Variants in RIN2 observed in about 807,000 individuals in gnomAD.
RIN2 encodes Ras and Rab interactor 2, also known as RAB5 interacting protein 2.
RIN2 carries 36 observed loss-of-function variants against 78.0 expected under a neutral mutation model. The ratio of observed to expected loss-of-function variants is 0.46; its 90% confidence interval spans 0.35 to 0.61. The LOEUF (loss-of-function observed/expected upper bound fraction) is 0.61. RIN2 is among the 20% of genes least tolerant of loss of function. The probability of loss-of-function intolerance (pLI) is 0.00; values close to 1 mark genes in which losing one functional copy is unlikely to be tolerated. For synonymous variants in RIN2, 466 were observed against 466.8 expected (o/e 1.00, Z 0.02); for missense variants, 1,087 against 1,159.7 (o/e 0.94, Z 0.91).
At chr20:19,793,631 A>T (rs921224845) in intron 1 of RIN2, among the ~76,000 whole-genome samples, 5 of 152,246 alleles carry the variant, frequency 3.3e-5, no homozygotes, top group Non-Finnish European at 7.3e-5. Flanking sequence ...ATGCTGGAAC[A>T]TACTTTGACC....
chr20:19,980,421 G>C (rs996617692), intron 9 of RIN2, among the ~76,000 whole-genome samples: 1 of 152,120 alleles, frequency 6.6e-6, no homozygotes, highest in Non-Finnish European at 1.5e-5. Flanking sequence ...CTGACCCTGA[G>C]CCCCTGACTC....
chr20:19,880,781 C>A (rs972943616), intron 2 of RIN2, among the ~76,000 whole-genome samples: 56 of 152,226 alleles, frequency 3.7e-4, no homozygotes, highest in African/African-American at 8.7e-4. Flanking sequence ...CCAGGCAGCA[C>A]GTAAGGTATT....
At chr20:19,942,276 G>A (rs1282618278) in intron 4 of RIN2, among the ~76,000 whole-genome samples, 2 of 152,082 alleles carry the variant, frequency 1.3e-5, no homozygotes, top group African/African-American at 4.8e-5. Context: ...GATGAACAGA[G>A]GAGGACAGCA....
chr20:19,805,755 C>T (rs2035389245), intron 2 of RIN2, among the ~76,000 whole-genome samples: 1 of 151,672 alleles, frequency 6.6e-6, no homozygotes, highest in African/African-American at 2.4e-5. Flanking sequence ...TTCTGGGGTA[C>T]ATGTGCAGAA....
At chr20:19,902,293 T>C (rs2039023815) in intron 3 of RIN2, among the ~76,000 whole-genome samples, 1 of 152,168 alleles carries the variant, frequency 6.6e-6, no homozygotes, top group Admixed American at 6.6e-5. Context: ...ATGCTGACTC[T>C]GTGCCTCAGC....
intron 11 of RIN2, among the ~76,000 whole-genome samples, chr20:19,994,692 A>T (rs1183508622): frequency 1.3e-5 from 2 of 151,980 alleles, no homozygotes; most frequent in Non-Finnish European, 2.9e-5. Context: ...GACCCTCCAT[A>T]CGGCCTTTCC....
intron 1 of RIN2, among the ~76,000 whole-genome samples, chr20:19,791,063 C>G (rs577127825): frequency 6.6e-5 from 10 of 152,354 alleles, no homozygotes; most frequent in African/African-American, 1.7e-4. Flanking sequence ...TTCTGCATCT[C>G]TTTCAGATGG....
At chr20:19,858,947 TGGA>T (rs901362100) in intron 2 of RIN2, among the ~76,000 whole-genome samples, 2 of 152,024 alleles carry the variant, frequency 1.3e-5, no homozygotes, top group Non-Finnish European at 2.9e-5. Flanking sequence ...GCAAACACGG[TGGA>T]GGACAGAATA....
chr20:19,908,525 G>A (rs1306536887), intron 3 of RIN2, among the ~76,000 whole-genome samples: 2 of 151,830 alleles, frequency 1.3e-5, no homozygotes, highest in African/African-American at 4.8e-5. Flanking sequence ...AAAGAGTTTG[G>A]ACATCAAGGG....
At chr20:19,759,684 G>A (rs888549836) in intron 1 of RIN2, among the ~76,000 whole-genome samples, 6 of 152,164 alleles carry the variant, frequency 3.9e-5, no homozygotes, top group East Asian at 3.9e-4. Context: ...GGCCAACAGG[G>A]TGAAACCCCA....
intron 2 of RIN2, among the ~76,000 whole-genome samples, chr20:19,837,197 C>T (rs907685571): frequency 5.4e-4 from 82 of 151,542 alleles, no homozygotes; most frequent in Non-Finnish European, 8.4e-4. Context: ...CACACACACA[C>T]ACACACACAC....
At chr20:19,886,624 T>G in intron 2 of RIN2, 1 of 831,958 alleles carries the variant, frequency 1.2e-6, no homozygotes. Context: ...TTTTTTTTTT[T>G]TTTTTTTGCT....
chr20:19,823,964 G>A, intron 2 of RIN2: 1 of 1,403,488 alleles, frequency 7.1e-7, no homozygotes, highest in Non-Finnish European at 9.9e-7. Flanking sequence ...GCTGGTGTCG[G>A]ATGAACCCGG....
intron 2 of RIN2, among the ~76,000 whole-genome samples, chr20:19,832,305 G>T (rs1383455823): frequency 7.0e-6 from 1 of 143,626 alleles, no homozygotes; most frequent in Non-Finnish European, 1.5e-5. Context: ...GGTGATCTAG[G>T]ATGCTGTCCC....
Position 19,873,126 on chromosome 20 carries a change from T to A in RIN2, c.-36-16440T>A, listed in dbSNP as rs1021627276. On this transcript the variant is annotated intron_variant, in intron 2 of 12. Coordinates refer to ENST00000255006, the MANE Select transcript of RIN2 (RefSeq NM_018993.4). ...TGTTTTATTTTATTATTTTTATTTT[T>A]ATTTTATTTTATTTTTGAGACAGAG... Among the ~76,000 whole-genome samples the A allele has an allele frequency of 6.0e-5, 9 of 150,996 alleles. No homozygotes were observed. In the South Asian group the frequency reaches 1.0e-3, roughly 18 times the overall value.
In RIN2 at chr20:20,001,035, G is replaced by C; in HGVS notation, c.*99G>C. 1 of 1,189,832 alleles carries C rather than the reference G, an allele frequency of 8.4e-7. No individual in the cohort carries two copies. The highest frequency in any genetic ancestry group is 1.5e-5 in the South Asian group (1 of 66,150). 73.7% of individuals were successfully genotyped at this position (1,189,832 alleles called of 1,614,324 possible). On this transcript the variant is annotated 3_prime_UTR_variant, in exon 13 of 13. Coordinates refer to ENST00000255006, the MANE Select transcript of RIN2 (RefSeq NM_018993.4). Reference sequence around the variant, plus strand: ...GAGCTTGAAAAGCAGTCACCTCCTCGGGGACCCCTCAGTGTAGTGACTAAG... The same window carrying C: ...GAGCTTGAAAAGCAGTCACCTCCTCCGGGACCCCTCAGTGTAGTGACTAAG...
intron 2 of RIN2, among the ~76,000 whole-genome samples, chr20:19,830,224 G>A (rs778192604): frequency 9.9e-5 from 15 of 152,142 alleles, no homozygotes; most frequent in Non-Finnish European, 1.6e-4. Context: ...ATGACTGTGT[G>A]AGGTCATGAG....
At chr20:19,986,336 G>C (rs1461784898) in intron 9 of RIN2, among the ~76,000 whole-genome samples, 2 of 151,966 alleles carry the variant, frequency 1.3e-5, no homozygotes, top group African/African-American at 2.4e-5. Context: ...GGAGGGTGGG[G>C]AGGAGGAGTG....
chr20:19,899,495 C>T (rs936052889), intron 3 of RIN2, among the ~76,000 whole-genome samples: 5 of 152,158 alleles, frequency 3.3e-5, no homozygotes, highest in Middle Eastern at 3.2e-3. Context: ...GACTTCAAAC[C>T]GCAAACATTC....
Sources: allele counts gnomAD v4.1 joint callset (sites outside exome capture counted in the v4.1 genomes callset), GRCh38; gene constraint gnomAD v4.1.1; transcripts MANE v1.5; gene names NCBI Gene and HGNC (gene_info 2026-07-23, HGNC 2026-07-21).